STK24: variants seen among roughly 807,000 people sequenced by gnomAD.
The protein encoded by STK24 is serine/threonine-protein kinase 24.
STK24 carries 21 observed loss-of-function variants against 55.6 expected under a neutral mutation model. That is an observed-to-expected ratio of 0.38 (90% CI 0.27 to 0.54). The LOEUF (loss-of-function observed/expected upper bound fraction) is 0.54, where lower values mean the gene tolerates loss of function less well. Among genes scored for constraint, STK24 ranks in the 20% least tolerant of loss-of-function variants. STK24 has a pLI of 0.79. For synonymous variants in STK24, 200 were observed against 215.2 expected (o/e 0.93, Z 0.62); for missense variants, 383 against 538.4 (o/e 0.71, Z 2.86).
intron 2 of STK24, among the ~76,000 whole-genome samples, chr13:98,518,212 A>G (rs1896134488): frequency 6.6e-6 from 1 of 152,214 alleles, no homozygotes; most frequent in Non-Finnish European, 1.5e-5. Flanking sequence ...TTAAATATCC[A>G]TTTTAGTTAA....
At chr13:98,562,917 T>TAAAA (rs575288091) in intron 1 of STK24, among the ~76,000 whole-genome samples, 1 of 109,144 alleles carries the variant, frequency 9.2e-6, no homozygotes, top group African/African-American at 3.6e-5. Flanking sequence ...CTCCCTCTCT[T>TAAAA]AAAAAAAAAA....
In STK24 at chr13:98,522,207, C is replaced by A. The variant is rs114788881; in HGVS notation, c.43-2734G>T. The A allele has an allele frequency of 4.9e-4, 255 of 517,774 alleles. 2 individuals carry two copies. Among genetic ancestry groups the A allele is most frequent in the African/African-American group, 4.9e-3 (238 of 48,466 alleles). The allele number at this position is 517,774 out of a possible 1,614,324, so 32.1% of individuals were successfully genotyped here. A position where few individuals can be genotyped will look rare whatever the true frequency, so the allele number is the denominator to read the frequency against. On this transcript the variant is annotated intron_variant, in intron 1 of 10. Transcript: ENST00000539966. The stretch of plus-strand genomic sequence containing the variant: ...TCCACAGCCCCACTCCCGCTGGCTT[C>A]TTCCAGTCCCTCTAGTTCCAGAAGG...
intron 2 of STK24, among the ~76,000 whole-genome samples, chr13:98,484,480 G>A (rs183379627): frequency 6.6e-6 from 1 of 152,252 alleles, no homozygotes; most frequent in Non-Finnish European, 1.5e-5. Context: ...GTAGCCAGCT[G>A]TGCAATATGA....
intron 1 of STK24, chr13:98,521,796 T>C (rs763844151): frequency 5.1e-6 from 4 of 781,354 alleles, no homozygotes; most frequent in South Asian, 4.0e-5. Flanking sequence ...CAGGATGAGG[T>C]AGAGTGGCCC....
At chr13:98,521,917 C>G in intron 1 of STK24, 1 of 1,052,536 alleles carries the variant, frequency 9.5e-7, no homozygotes, top group Non-Finnish European at 1.5e-6. Context: ...CCATTCACCC[C>G]TCTCTGCTGG....
chr13:98,524,982 CT>C (rs910749299), intron 1 of STK24, among the ~76,000 whole-genome samples: 1 of 152,254 alleles, frequency 6.6e-6, no homozygotes, highest in Non-Finnish European at 1.5e-5. Context: ...AAAATTACCC[CT>C]GGCAAGAAGG....
chr13:98,551,060 G>A (rs765839743), intron 1 of STK24, among the ~76,000 whole-genome samples: 8 of 152,132 alleles, frequency 5.3e-5, no homozygotes, highest in Non-Finnish European at 1.2e-4. Context: ...GCCGAGGTGG[G>A]TGGATCACAA....
intron 3 of STK24, among the ~76,000 whole-genome samples, chr13:98,481,582 A>G (rs1200896702): frequency 6.6e-6 from 1 of 152,258 alleles, no homozygotes; most frequent in Admixed American, 6.5e-5. Context: ...CTAAGTTGTC[A>G]TGTGAAATAT....
intron 2 of STK24, among the ~76,000 whole-genome samples, chr13:98,494,398 A>T (rs1895165470): frequency 1.6e-5 from 2 of 124,442 alleles, no homozygotes; most frequent in South Asian, 5.1e-4. Flanking sequence ...TGGGTGACAG[A>T]GCCAGACTCG....
chr13:98,541,736 GT>G (rs1896893809), intron 1 of STK24, among the ~76,000 whole-genome samples: 2 of 152,200 alleles, frequency 1.3e-5, no homozygotes, highest in Non-Finnish European at 2.9e-5. Context: ...GAACCAGTTT[GT>G]CTCAACAGCC....
Position 98,448,019 on chromosome 13 carries a change from A to C in STK24, c.*5154T>G. The C allele has an allele frequency of 1.7e-6, 1 of 580,978 alleles. No homozygotes were observed. The highest frequency in any genetic ancestry group is 3.1e-6 in the Non-Finnish European group (1 of 324,004). 36.0% of individuals were successfully genotyped at this position (580,978 alleles called of 1,614,324 possible). Reference sequence around the variant, plus strand: ...GCGGGCAGTGTCACTGCAGCAAGGTACTTCCAGCTCCACACTGAGTGAGTG... The same window carrying C: ...GCGGGCAGTGTCACTGCAGCAAGGTCCTTCCAGCTCCACACTGAGTGAGTG... On this transcript the variant is annotated 3_prime_UTR_variant, in exon 11 of 11. Transcript: ENST00000539966.
At chr13:98,523,822 G>T (rs1238224466) in intron 1 of STK24, among the ~76,000 whole-genome samples, 1 of 152,216 alleles carries the variant, frequency 6.6e-6, no homozygotes, top group African/African-American at 2.4e-5. Context: ...CTCAACAATA[G>T]GCAACTAATA....
At chr13:98,559,969 T>G (rs1211199200) in intron 1 of STK24, among the ~76,000 whole-genome samples, 3 of 152,070 alleles carry the variant, frequency 2.0e-5, no homozygotes, top group Admixed American at 6.6e-5. Context: ...GGCAACATAG[T>G]GAACTCCCAT....
At chr13:98,462,123 C>A (rs547773147) in intron 7 of STK24, among the ~76,000 whole-genome samples, 11 of 152,202 alleles carry the variant, frequency 7.2e-5, no homozygotes, top group Non-Finnish European at 1.5e-4. Flanking sequence ...AACTCCCTGG[C>A]GTGCCAGTGT....
intron 10 of STK24, chr13:98,453,461 G>A: frequency 2.0e-6 from 1 of 492,742 alleles, no homozygotes; most frequent in Non-Finnish European, 3.6e-6. Context: ...CTGGAGAGAT[G>A]TGAATAAAAC....
intron 1 of STK24, among the ~76,000 whole-genome samples, chr13:98,551,797 G>A (rs941572589): frequency 2.4e-4 from 36 of 152,212 alleles, no homozygotes; most frequent in Non-Finnish European, 1.2e-4. Flanking sequence ...CAGGTATGGC[G>A]TAGGCATCTT....
At chr13:98,563,567 C>T (rs1897487274) in intron 1 of STK24, among the ~76,000 whole-genome samples, 1 of 152,116 alleles carries the variant, frequency 6.6e-6, no homozygotes, top group Non-Finnish European at 1.5e-5. Flanking sequence ...CCGTATAAAA[C>T]ACATTTCCAG....
At position 98,446,594 on chromosome 13, in the gene STK24, G is replaced by A; in HGVS notation, c.*6579C>T. 5 of 1,524,194 alleles carry A rather than the reference G, an allele frequency of 3.3e-6. No homozygotes were observed. Among genetic ancestry groups the A allele is most frequent in the Non-Finnish European group, 3.6e-6 (4 of 1,107,908 alleles). 94.4% of individuals were successfully genotyped at this position (1,524,194 alleles called of 1,614,324 possible). On this transcript the variant is annotated 3_prime_UTR_variant, in exon 11 of 11. Coordinates refer to ENST00000539966, the MANE Select transcript of STK24 (RefSeq NM_001032296.4). ...CTGGGCTCCCAAGTCCCTGTCTGAT[G>A]CGGGGCAGCAGCCAGGCCCAGCAGC... is the stretch of plus-strand genomic sequence containing the variant.
intron 2 of STK24, among the ~76,000 whole-genome samples, chr13:98,486,409 C>T (rs1894808912): frequency 6.6e-6 from 1 of 152,144 alleles, no homozygotes; most frequent in Admixed American, 6.5e-5. Context: ...CTACCACTAC[C>T]AATCCTAAGG....
Sources: allele counts gnomAD v4.1 joint callset (sites outside exome capture counted in the v4.1 genomes callset), GRCh38; gene constraint gnomAD v4.1.1; transcripts MANE v1.5; gene names NCBI Gene and HGNC (gene_info 2026-07-23, HGNC 2026-07-21).